CNTN6: variants seen among roughly 807,000 people sequenced by gnomAD.
The protein encoded by CNTN6 is contactin 6.
CNTN6 carries 137 observed loss-of-function variants against 122.8 expected under a neutral mutation model. The ratio of observed to expected loss-of-function variants is 1.12; its 90% CI spans 0.97 to 1.29. CNTN6 has a LOEUF of 1.29. CNTN6 is among the 50% of genes most tolerant of loss of function. The pLI is 0.00. For missense variants in CNTN6, 1,634 were observed against 1,223.4 expected (o/e 1.34, Z -5.01); for synonymous variants, 570 against 426.0 (o/e 1.34, Z -4.16).
intron 20 of CNTN6, among the ~76,000 whole-genome samples, chr3:1,390,004 G>C (rs1207506891): frequency 6.6e-6 from 1 of 151,460 alleles, no homozygotes; most frequent in African/African-American, 2.4e-5. Flanking sequence ...AGATCAATGA[G>C]ACAGAAAGTC....
At chr3:1,390,432 G>C (rs1312481681) in intron 20 of CNTN6, among the ~76,000 whole-genome samples, 1 of 151,338 alleles carries the variant, frequency 6.6e-6, no homozygotes, top group Non-Finnish European at 1.5e-5. Flanking sequence ...GAAATTTATA[G>C]CACTAAATGC....
At chr3:1,312,912 G>A (rs971027197) in intron 7 of CNTN6, among the ~76,000 whole-genome samples, 3 of 150,894 alleles carry the variant, frequency 2.0e-5, no homozygotes, top group South Asian at 2.1e-4. Flanking sequence ...AACTGTAATC[G>A]TATGTTTGAT....
chr3:1,205,205 A>C (rs2093942314), intron 2 of CNTN6, among the ~76,000 whole-genome samples: 1 of 152,046 alleles, frequency 6.6e-6, no homozygotes. Context: ...AACAGATTTC[A>C]CTCCAGAGCC....
intron 4 of CNTN6, among the ~76,000 whole-genome samples, chr3:1,233,804 A>T (rs1326604881): frequency 6.6e-6 from 1 of 151,406 alleles, no homozygotes; most frequent in Non-Finnish European, 1.5e-5. Context: ...TGTTAGTCTG[A>T]CATATTAATG....
At chr3:1,266,863 C>T (rs1349197485) in intron 4 of CNTN6, among the ~76,000 whole-genome samples, 1 of 151,678 alleles carries the variant, frequency 6.6e-6, no homozygotes, top group Admixed American at 6.6e-5. Context: ...GCCCCCTTTG[C>T]TGATGACCTG....
At chr3:1,206,892 A>G (rs543258656) in intron 2 of CNTN6, among the ~76,000 whole-genome samples, 8 of 152,258 alleles carry the variant, frequency 5.3e-5, no homozygotes, top group Admixed American at 3.3e-4. Context: ...GGACACTCCT[A>G]CAACATTGGC....
intron 4 of CNTN6, among the ~76,000 whole-genome samples, chr3:1,270,868 A>G (rs2095013573): frequency 6.6e-6 from 1 of 151,866 alleles, no homozygotes; most frequent in Admixed American, 6.6e-5. Flanking sequence ...CTCTCGAGCC[A>G]CAATATTTGT....
At chr3:1,371,560 T>C (rs1161873159) in intron 12 of CNTN6, among the ~76,000 whole-genome samples, 2 of 152,082 alleles carry the variant, frequency 1.3e-5, no homozygotes, top group African/African-American at 2.4e-5. Flanking sequence ...GTGAGTCTCT[T>C]TTAATCTGAA....
chr3:1,269,428 C>A (rs571118084), intron 4 of CNTN6, among the ~76,000 whole-genome samples: 2 of 152,204 alleles, frequency 1.3e-5, no homozygotes, highest in African/African-American at 4.8e-5. Flanking sequence ...GTTAAGTAAT[C>A]TGGCATCTCA....
At chr3:1,138,065 C>A (rs1046415535) in intron 1 of CNTN6, among the ~76,000 whole-genome samples, 1 of 152,240 alleles carries the variant, frequency 6.6e-6, no homozygotes, top group Non-Finnish European at 1.5e-5. Flanking sequence ...TTTTCACTGA[C>A]CCTCATAAGT....
chr3:1,110,460 A>G (rs966501904), intron 1 of CNTN6, among the ~76,000 whole-genome samples: 1 of 152,096 alleles, frequency 6.6e-6, no homozygotes, highest in Non-Finnish European at 1.5e-5. Context: ...GAAGACATCA[A>G]TACCATGCAT....
intron 4 of CNTN6, among the ~76,000 whole-genome samples, chr3:1,243,617 A>G (rs2094518901): frequency 6.6e-6 from 1 of 152,014 alleles, no homozygotes; most frequent in Non-Finnish European, 1.5e-5. Context: ...GGATTTTTAT[A>G]TTTGATGAAA....
chr3:1,384,398 G>A (rs1281651126), intron 19 of CNTN6, among the ~76,000 whole-genome samples: 1 of 142,016 alleles, frequency 7.0e-6, no homozygotes, highest in Non-Finnish European at 1.5e-5. Flanking sequence ...TTGGAAAGAT[G>A]TAATCATCTC....
chr3:1,391,638 T>C (rs201725217), intron 20 of CNTN6, among the ~76,000 whole-genome samples: 2,163 of 143,718 alleles, frequency 0.015, 29 homozygotes, highest in African/African-American at 0.04. Flanking sequence ...GATGAGATGA[T>C]TGTATATCTA....
intron 12 of CNTN6, among the ~76,000 whole-genome samples, chr3:1,364,365 C>T (rs1191521221): frequency 6.6e-6 from 1 of 151,606 alleles, no homozygotes; most frequent in Admixed American, 6.6e-5. Context: ...AGGAAGAGCC[C>T]CATGTTTGTA....
chr3:1,343,914 C>T (rs892210110), intron 11 of CNTN6, among the ~76,000 whole-genome samples: 2 of 152,076 alleles, frequency 1.3e-5, no homozygotes, highest in African/African-American at 4.8e-5. Flanking sequence ...CCTGTATCAC[C>T]TGCCTCAAAC....
Position 1,381,932 on chromosome 3 carries a change from G to C in CNTN6, c.2167-1010G>C, listed in dbSNP as rs371703676. Among the ~76,000 whole-genome samples the C allele has an allele frequency of 1.1e-3, 168 of 146,498 alleles. 6 individuals are homozygous for C. The South Asian group carries it at 0.037, about 32-fold the overall frequency. On this transcript the variant is annotated intron_variant, in intron 17 of 22. Coordinates refer to ENST00000446702, the MANE Select transcript of CNTN6 (RefSeq NM_001289080.2). The stretch of plus-strand genomic sequence containing the variant: ...CCAAGACGGTGCCTGTGGTTCTGGC[G>C]CTCGTGAATTGGTGCTCGCATGGGT...
At chr3:1,095,713 A>C (rs992515658) in intron 1 of CNTN6, among the ~76,000 whole-genome samples, 2 of 152,328 alleles carry the variant, frequency 1.3e-5, no homozygotes, top group South Asian at 2.1e-4. Flanking sequence ...TTTAAATAGT[A>C]AACAAACTTT....
intron 4 of CNTN6, among the ~76,000 whole-genome samples, chr3:1,232,885 A>G (rs1575339979): frequency 1.3e-5 from 2 of 152,216 alleles, no homozygotes; most frequent in Non-Finnish European, 2.9e-5. Context: ...GGACAGAGAA[A>G]GTGGTAGAGA....
Sources: gnomAD v4.1 joint callset for allele counts (sites outside exome capture counted in the v4.1 genomes callset) on GRCh38, gnomAD v4.1.1 for gene constraint, MANE v1.5 for transcripts, NCBI Gene and HGNC (gene_info 2026-07-23, HGNC 2026-07-21) for gene names.